Variants in MLLT1 observed in about 807,000 individuals in gnomAD.
MLLT1 encodes the protein protein ENL.
Under a neutral mutation model 55.1 loss-of-function variants are expected in MLLT1, and 11 were observed. The observed-to-expected ratio is 0.20, with a 90% CI of 0.13 to 0.33. MLLT1 has a LOEUF of 0.33. MLLT1 is among the 10% of genes least tolerant of loss of function. The pLI, the probability that MLLT1 is intolerant of heterozygous loss-of-function variation, is 1.00. For missense variants in MLLT1, 536 were observed against 760.6 expected (o/e 0.70, Z 3.47); for synonymous variants, 323 against 320.1 (o/e 1.01, Z -0.10).
At chr19:6,264,745 A>C (rs2144946819) in intron 2 of MLLT1, among the ~76,000 whole-genome samples, 1 of 151,860 alleles carries the variant, frequency 6.6e-6, no homozygotes, top group Middle Eastern at 3.4e-3. Context: ...AATACAAAAA[A>C]TTAGCCAGGC....
In MLLT1 at chr19:6,222,268, G is replaced by C. The variant is rs780324282; in HGVS notation, c.963C>G (p.Ser321=). The C allele has an allele frequency of 1.9e-6, 3 of 1,612,508 alleles. No individual in the cohort carries two copies. The highest frequency in any genetic ancestry group is 1.7e-6 in the Non-Finnish European group (2 of 1,179,454). Residue 321 remains serine, a synonymous_variant, in exon 6 of 12, where the codon TCC becomes TCG. Transcript: ENST00000252674. The surrounding 1 kb of genome is among the most constrained non-coding windows in gnomAD (Gnocchi z 4.1). ...APGTSPRTSS[S]SSFSDKKPAK... ...CCGGCTTCTTGTCCGAGAAGGAGGA[G>C]GAGGAGGAGGTGCGGGGCGAGGTGC...
At chr19:6,277,088 G>A (rs909787502) in intron 1 of MLLT1, among the ~76,000 whole-genome samples, 1 of 152,200 alleles carries the variant, frequency 6.6e-6, no homozygotes, top group Non-Finnish European at 1.5e-5. Flanking sequence ...CCCGGGTTCT[G>A]CTCGATTCAA....
rs921600723 is a variant in MLLT1 at position 6,218,033 on chromosome 19, C to T, written c.1119G>A (p.Gln373=). 1 of 1,609,630 alleles carries T rather than the reference C, an allele frequency of 6.2e-7. No homozygotes were observed. Among genetic ancestry groups the T allele is most frequent in the Non-Finnish European group, 8.5e-7 (1 of 1,177,972 alleles). Residue 373 remains glutamine, a synonymous_variant, in exon 7 of 12, where the codon CAG becomes CAA. Coordinates refer to ENST00000252674, the MANE Select transcript of MLLT1 (RefSeq NM_005934.4). ...TGGAGCTGGAGTTGGACGGGCTTGA[C>T]TGGGCAGACTTCACCCAATGGTGGG... The part of the protein sequence containing the change: ...DEASFKSESA[Q]SSPSNSSSSS...
intron 1 of MLLT1, among the ~76,000 whole-genome samples, chr19:6,272,847 C>A (rs1017772582): frequency 1.3e-5 from 2 of 152,206 alleles, no homozygotes; most frequent in African/African-American, 2.4e-5. Flanking sequence ...AGGGTCTGTG[C>A]GCACAGCAAG....
At chr19:6,216,371 C>A in intron 8 of MLLT1, 34 bp downstream of exon 8, 1 of 1,528,460 alleles carries the variant, frequency 6.5e-7, no homozygotes, top group South Asian at 1.2e-5. Flanking sequence ...CCCGGGTGGC[C>A]GCCTCCGCCC....
At chr19:6,232,389 G>C (rs568739424) in intron 3 of MLLT1, among the ~76,000 whole-genome samples, 1 of 152,138 alleles carries the variant, frequency 6.6e-6, no homozygotes, top group African/African-American at 2.4e-5. Context: ...ATACCCACCC[G>C]GGGGAGAATG....
At chr19:6,250,291 A>G (rs2091202170) in intron 3 of MLLT1, among the ~76,000 whole-genome samples, 1 of 152,198 alleles carries the variant, frequency 6.6e-6, no homozygotes, top group African/African-American at 2.4e-5. Flanking sequence ...GGATGTAGAG[A>G]AATTGGAATG....
intron 3 of MLLT1, among the ~76,000 whole-genome samples, chr19:6,241,909 G>A (rs961975376): frequency 1.6e-4 from 25 of 152,230 alleles, no homozygotes; most frequent in Admixed American, 5.9e-4. Context: ...CCTCCCCCTC[G>A]GCCACATCAA....
intron 3 of MLLT1, among the ~76,000 whole-genome samples, chr19:6,253,392 C>T (rs1568291093): frequency 6.6e-6 from 1 of 151,548 alleles, no homozygotes; most frequent in Non-Finnish European, 1.5e-5. Flanking sequence ...TCACTGAACT[C>T]CATGGAACAT....
At chr19:6,246,430 T>G (rs1360756581) in intron 3 of MLLT1, among the ~76,000 whole-genome samples, 1 of 152,160 alleles carries the variant, frequency 6.6e-6, no homozygotes, top group African/African-American at 2.4e-5. Context: ...AAGGCACCCA[T>G]GCAGCGGAAC....
In MLLT1 at chr19:6,273,438, T is replaced by C. The variant is rs2144965516; in HGVS notation, c.13-2679A>G. On this transcript the variant is annotated intron_variant, in intron 1 of 11. Transcript: ENST00000252674. This position sits in a 1 kb window ranked among gnomAD's most constrained non-coding sequence, Gnocchi z 4.3. ...AGGCGCACTCATAAACCCCCGGCGC[T>C]GCGGATTCATGAGGATCTCAGGTAA... Among the ~76,000 whole-genome samples the C allele has an allele frequency of 6.6e-6, 1 of 152,262 alleles. No individual in the cohort carries two copies. The highest frequency in any genetic ancestry group is 6.5e-5 in the Admixed American group (1 of 15,306).
At chr19:6,267,479 C>G (rs114767652) in intron 2 of MLLT1, among the ~76,000 whole-genome samples, 1,673 of 151,188 alleles carry the variant, frequency 0.011, 29 homozygotes, top group African/African-American at 0.038. Context: ...GCTAAAGACA[C>G]AATGCAAAAA....
chr19:6,218,019 T>C lies in MLLT1; in HGVS notation c.1133A>G (p.Asn378Ser), dbSNP rs1386156702. Residue 378 changes from asparagine (N) to serine (S), a missense_variant, in exon 7 of 12, where the codon AAC becomes AGC. Transcript: ENST00000252674. The stretch of plus-strand genomic sequence containing the variant: ...GCTGGAGTCTGAGCTGGAGCTGGAG[T>C]TGGACGGGCTTGACTGGGCAGACTT... ...KSESAQSSPS[N>S]SSSSSDSSSD... 3 of 1,608,964 alleles carry C rather than the reference T, an allele frequency of 1.9e-6. No homozygotes were observed. Among genetic ancestry groups the C allele is most frequent in the African/African-American group, 1.3e-5 (1 of 74,438 alleles).
intron 3 of MLLT1, among the ~76,000 whole-genome samples, chr19:6,251,406 T>C (rs900027089): frequency 1.3e-5 from 2 of 152,114 alleles, no homozygotes; most frequent in African/African-American, 4.8e-5. Flanking sequence ...ATTTAATAAA[T>C]ATTTAGCAAG....
In MLLT1 at chr19:6,213,185, C is replaced by A. The variant is rs745317807; in HGVS notation, c.1552-15G>T. 8.1e-6 allele frequency: 13 copies of A among 1,613,686 alleles called. No individual in the cohort carries two copies. Among genetic ancestry groups the A allele is most frequent in the African/African-American group, 2.7e-5 (2 of 74,906 alleles). ...AGATTCACAATCTGTAAGGTGGTGG[C>A]AGGTGGCTTCAGGGGCAGGGGGCCA... On this transcript the variant is annotated splice_polypyrimidine_tract_variant and intron_variant, in intron 11 of 11. Coordinates refer to ENST00000252674, the MANE Select transcript of MLLT1 (RefSeq NM_005934.4).
At chr19:6,275,938 G>A (rs957780636) in intron 1 of MLLT1, among the ~76,000 whole-genome samples, 2 of 152,186 alleles carry the variant, frequency 1.3e-5, no homozygotes, top group Non-Finnish European at 2.9e-5. Flanking sequence ...TATCTCCCAC[G>A]TTCTCCAGGG....
Position 6,240,458 on chromosome 19 carries a change from G to A in MLLT1, c.277-9745C>T, listed in dbSNP as rs564736903. Among the ~76,000 whole-genome samples, 2 of 152,368 alleles carry A rather than the reference G, an allele frequency of 1.3e-5. No individual in the cohort carries two copies. Among genetic ancestry groups the A allele is most frequent in the East Asian group, 1.9e-4 (1 of 5,182 alleles). On this transcript the variant is annotated intron_variant, in intron 3 of 11. Transcript: ENST00000252674. The surrounding 1 kb of genome is among the most constrained non-coding windows in gnomAD (Gnocchi z 4.7). ...GCTCCAAGCGGAGCTGGCACCCGGC[G>A]CAGGTGACGTTGCCCATCTGTGCTC... is the stretch of plus-strand genomic sequence containing the variant.
At chr19:6,236,319 C>T (rs1476904136) in intron 3 of MLLT1, among the ~76,000 whole-genome samples, 1 of 152,196 alleles carries the variant, frequency 6.6e-6, no homozygotes, top group East Asian at 1.9e-4. Flanking sequence ...AGCCCCAAAC[C>T]CAGGGGTTCC....
At chr19:6,225,298 T>C (rs1442605045) in intron 5 of MLLT1, among the ~76,000 whole-genome samples, 1 of 152,304 alleles carries the variant, frequency 6.6e-6, no homozygotes, top group Non-Finnish European at 1.5e-5. Context: ...GGGATTCTGA[T>C]GGGCAAGGCC....
Sources: allele counts gnomAD v4.1 joint callset (sites outside exome capture counted in the v4.1 genomes callset), GRCh38; gene constraint gnomAD v4.1.1; non-coding constraint Gnocchi (gnomAD v3.1); transcripts MANE v1.5; gene names NCBI Gene and HGNC (gene_info 2026-07-23, HGNC 2026-07-21).